TNRC6A: variants seen among roughly 807,000 people sequenced by gnomAD.
The protein encoded by TNRC6A is trinucleotide repeat containing adaptor 6A.
Under a neutral mutation model 221.2 loss-of-function variants are expected in TNRC6A, and 44 were observed. That is an observed-to-expected ratio of 0.20 (90% CI 0.16 to 0.26). The LOEUF is 0.26. Among genes scored for constraint, TNRC6A ranks in the 10% least tolerant of loss-of-function variants. TNRC6A has a pLI of 1.00. For missense variants in TNRC6A, 2,199 were observed against 2,404.4 expected (o/e 0.91, Z 1.79); for synonymous variants, 847 against 838.5 (o/e 1.01, Z -0.18).
At chr16:24,712,039 G>C (rs2056215684) in intron 2 of TNRC6A, among the ~76,000 whole-genome samples, 1 of 152,052 alleles carries the variant, frequency 6.6e-6, no homozygotes, top group South Asian at 2.1e-4. Context: ...CATTCAATGG[G>C]GGGAAACATC....
chr16:24,811,336 A>G (rs542725484), intron 18 of TNRC6A, among the ~76,000 whole-genome samples: 33 of 152,298 alleles, frequency 2.2e-4, no homozygotes, highest in African/African-American at 2.6e-4. Context: ...CAGATACTCT[A>G]TGGGCCTAAG....
chr16:24,645,834 CAAAAAAAAAAAAAAAAAAAA>C (rs36106864), intron 2 of TNRC6A, among the ~76,000 whole-genome samples: 2 of 26,624 alleles, frequency 7.5e-5, no homozygotes, highest in Non-Finnish European at 1.4e-4. Flanking sequence ...CCTGTATCTA[CAAAAAAAAAAAAAAAAAAAA>C]AAAAAAAAAA....
chr16:24,626,714 A>G (rs1449644167), intron 1 of TNRC6A, among the ~76,000 whole-genome samples: 1 of 135,646 alleles, frequency 7.4e-6, no homozygotes, highest in Non-Finnish European at 1.5e-5. Flanking sequence ...CAGTGGCACT[A>G]TCTCCGCTCA....
intron 2 of TNRC6A, among the ~76,000 whole-genome samples, chr16:24,681,597 A>T (rs1409545699): frequency 6.6e-6 from 1 of 151,980 alleles, no homozygotes; most frequent in Non-Finnish European, 1.5e-5. Flanking sequence ...TGAGCTACTA[A>T]TTTTTTCTGC....
rs60469088 is a variant in TNRC6A, at chr16:24,714,302, C to CTTTTTTTTT, written n.403-36408_403-36400dup. On this transcript the variant is annotated intron_variant and non_coding_transcript_variant, in intron 2 of 2. Coordinates refer to the TNRC6A transcript ENST00000566108. ...CTGCAGTGCCTGATTTGCTGTTAATCTTTTTTTTTTTTTTTTTTTTTTTTG... is the reference window on the plus strand; with the variant it reads ...CTGCAGTGCCTGATTTGCTGTTAATCTTTTTTTTTTTTTTTTTTTTTTTTTTTTTTTTTG... 7.6e-4 allele frequency among the ~76,000 whole-genome samples: 54 copies of CTTTTTTTTT among 71,296 alleles called. 1 individual carries two copies. The highest frequency in any genetic ancestry group is 9.3e-4 in the Non-Finnish European group (38 of 41,072). The allele number at this position is 71,296 out of a possible 152,430, so 46.8% of individuals were successfully genotyped here. A position where few individuals can be genotyped will look rare whatever the true frequency, so the allele number is the denominator to read the frequency against.
At position 24,796,908 on chromosome 16, in the gene TNRC6A, A is replaced by G. The variant is rs575213821; in HGVS notation, c.3562-582A>G. Among the ~76,000 whole-genome samples, 17 of 152,338 alleles carry G rather than the reference A, an allele frequency of 1.1e-4. No homozygotes were observed. The South Asian group carries it at 1.7e-3, about 15-fold the overall frequency. The stretch of plus-strand genomic sequence containing the variant: ...GAGTTTGCGTACCACCCATACCCCA[A>G]CCAGCCGCAGAGAGCCAGCCCTAAG... On this transcript the variant is annotated intron_variant, in intron 9 of 24. Coordinates refer to ENST00000395799, the MANE Select transcript of TNRC6A (RefSeq NM_014494.4).
rs72768659 is a variant in TNRC6A at position 24,716,104 on chromosome 16, G to T, written n.403-34622G>T. Among the ~76,000 whole-genome samples the T allele has an allele frequency of 8.1e-3, 1,225 of 151,870 alleles. 11 individuals carry two copies. The highest frequency in any genetic ancestry group is 0.041 in the Middle Eastern group (12 of 294). On this transcript the variant is annotated intron_variant and non_coding_transcript_variant, in intron 2 of 2. Coordinates refer to the TNRC6A transcript ENST00000566108. ...GAGATACATTGCTTCAACTCAAGAA[G>T]TCCACTGTGCTTGGGTTTTCCCTTC...
intron 1 of TNRC6A, among the ~76,000 whole-genome samples, chr16:24,618,727 T>G (rs1002070274): frequency 1.4e-5 from 2 of 143,298 alleles, no homozygotes; most frequent in African/African-American, 5.2e-5. Context: ...CATGGCTCAC[T>G]GCAGCAAGCC....
At chr16:24,807,424 A>G (rs1038306445) in intron 17 of TNRC6A, among the ~76,000 whole-genome samples, 4 of 152,232 alleles carry the variant, frequency 2.6e-5, no homozygotes, top group Non-Finnish European at 4.4e-5. Flanking sequence ...AAGGGTGGGA[A>G]GGAAGGCTGA....
At chr16:24,674,348 T>C (rs965468759) in intron 2 of TNRC6A, among the ~76,000 whole-genome samples, 2 of 152,126 alleles carry the variant, frequency 1.3e-5, no homozygotes, top group African/African-American at 4.8e-5. Context: ...AAAGCTACGG[T>C]GAGCTATGAT....
Position 24,735,771 on chromosome 16 carries a change from T to C in TNRC6A, c.53+5471T>C, listed in dbSNP as rs186529858. 2.6e-4 allele frequency among the ~76,000 whole-genome samples: 40 copies of C among 152,322 alleles called. No homozygotes were observed. The East Asian group carries it at 4.4e-3, about 17-fold the overall frequency. On this transcript the variant is annotated intron_variant, in intron 2 of 24. Transcript: ENST00000395799. ...ACAACTGCAAAAGTATTGCCCATGA[T>C]TGGAAAGACTAAAATGGTATGCGTT...
At chr16:24,610,826 T>C (rs72785738) in intron 1 of TNRC6A, among the ~76,000 whole-genome samples, 13,380 of 152,006 alleles carry the variant, frequency 0.088, 823 homozygotes, top group Middle Eastern at 0.15. Flanking sequence ...TATTTATTTA[T>C]TTATGACAGA....
chr16:24,823,544 G>T lies in TNRC6A; in HGVS notation c.5626G>T (p.Gly1876Trp), dbSNP rs747960863. 6.2e-7 allele frequency: 1 copy of T among 1,614,038 alleles called. No individual in the cohort carries two copies. The highest frequency in any genetic ancestry group is 8.5e-7 in the Non-Finnish European group (1 of 1,180,040). ...CCCTTCTCCCGGCTGGCAGTCTCTC[G>T]GGTCCAGCCAGAGCCGGCTGGGCTC... The part of the protein sequence containing the change: ...LTPSPGWQSL[G>W]SSQSRLGSLD... The change falls in exon 25 of 25, where the codon GGG becomes TGG. Residue 1876 changes from glycine to tryptophan, a missense_variant. Transcript: ENST00000395799. This position sits in a 1 kb window ranked among gnomAD's most constrained non-coding sequence, Gnocchi z 4.3.
At chr16:24,741,872 T>C (rs180997972) in intron 2 of TNRC6A, among the ~76,000 whole-genome samples, 3 of 152,214 alleles carry the variant, frequency 2.0e-5, no homozygotes, top group Admixed American at 2.0e-4. Context: ...GGTCTTGCTC[T>C]GTTGCCTAGG....
At chr16:24,700,496 CA>C (rs1330631541) in intron 2 of TNRC6A, among the ~76,000 whole-genome samples, 4 of 152,066 alleles carry the variant, frequency 2.6e-5, no homozygotes. Context: ...CTTGACCTCT[CA>C]AAGTTTTGGG....
intron 2 of TNRC6A, among the ~76,000 whole-genome samples, chr16:24,708,187 A>G (rs2056134781): frequency 6.6e-6 from 1 of 150,944 alleles, no homozygotes; most frequent in Non-Finnish European, 1.5e-5. Flanking sequence ...GGTTTTGGTT[A>G]CTGTAACTTT....
Position 24,826,065 on chromosome 16 carries a change from A to G in TNRC6A, c.*2258A>G, listed in dbSNP as rs1046897220. On this transcript the variant is annotated 3_prime_UTR_variant, in exon 25 of 25. Coordinates refer to ENST00000395799, the MANE Select transcript of TNRC6A (RefSeq NM_014494.4). Reference sequence around the variant, plus strand: ...CAAAAACCAAAGGTAGCTTTGAAAAACCATGTCTGGAAATGTTTGGAGCGT... The same window carrying G: ...CAAAAACCAAAGGTAGCTTTGAAAAGCCATGTCTGGAAATGTTTGGAGCGT... 1 of 152,584 alleles carries G rather than the reference A, an allele frequency of 6.6e-6. No individual in the cohort carries two copies. The highest frequency in any genetic ancestry group is 6.5e-5 in the Admixed American group (1 of 15,292). The allele number at this position is 152,584 out of a possible 1,614,324, so 9.5% of individuals were successfully genotyped here.
intron 5 of TNRC6A, among the ~76,000 whole-genome samples, chr16:24,787,659 A>T (rs771192694): frequency 4.6e-5 from 7 of 152,226 alleles, no homozygotes; most frequent in African/African-American, 7.2e-5. Flanking sequence ...ATTCTTAAAC[A>T]GGGAGTGGAA....
At position 24,812,019 on chromosome 16, in the gene TNRC6A, A is replaced by ATTTTTTTTTTTTTTTTTT. The variant is rs71156440; in HGVS notation, c.4672+2568_4672+2585dup. ...CCGTTCAGGGGAATGTCACTTTGGG[A>ATTTTTTTTTTTTTTTTTT]TTTTTTTTTTTTTTTTTTTTTTTTT... On this transcript the variant is annotated intron_variant, in intron 18 of 24. Transcript: ENST00000395799. 3.4e-4 allele frequency among the ~76,000 whole-genome samples: 14 copies of ATTTTTTTTTTTTTTTTTT among 40,854 alleles called. 4 individuals are homozygous for ATTTTTTTTTTTTTTTTTT. The highest frequency in any genetic ancestry group is 4.5e-4 in the Admixed American group (1 of 2,222). 26.8% of individuals were successfully genotyped at this position (40,854 alleles called of 152,430 possible).
Sources: gnomAD v4.1 joint callset for allele counts (sites outside exome capture counted in the v4.1 genomes callset) on GRCh38, gnomAD v4.1.1 for gene constraint, Gnocchi (gnomAD v3.1) non-coding constraint, MANE v1.5 for transcripts, NCBI Gene and HGNC (gene_info 2026-07-23, HGNC 2026-07-21) for gene names.